The following NEBL variants were observed in gnomAD, a reference collection of about 807,000 sequenced individuals.
NEBL encodes nebulette.
NEBL carries 122 observed loss-of-function variants against 140.2 expected under a neutral mutation model. The ratio of observed to expected loss-of-function variants is 0.87; its 90% CI spans 0.75 to 1.01. The LOEUF (loss-of-function observed/expected upper bound fraction) is 1.01, where lower values mean the gene tolerates loss of function less well. Ranked by LOEUF, NEBL falls within the 50% of genes least tolerant of loss-of-function variation. NEBL has a pLI of 0.00. For missense variants in NEBL, 1,365 were observed against 1,231.3 expected (o/e 1.11, Z -1.62); for synonymous variants, 436 against 398.9 (o/e 1.09, Z -1.11).
chr10:20,969,714 T>C (rs527789053), intron 3 of NEBL, among the ~76,000 whole-genome samples: 29 of 151,828 alleles, frequency 1.9e-4, no homozygotes, highest in African/African-American at 5.6e-4. Context: ...CTGAGCTAAT[T>C]TTTGAATTTT....
chr10:20,941,021 G>T (rs1465509074), intron 4 of NEBL, among the ~76,000 whole-genome samples: 1 of 152,152 alleles, frequency 6.6e-6, no homozygotes, highest in Non-Finnish European at 1.5e-5. Context: ...GAAGGAGCTG[G>T]TACCATTCCT....
At chr10:21,167,197 T>G (rs1214665967) in intron 2 of NEBL, among the ~76,000 whole-genome samples, 1 of 152,190 alleles carries the variant, frequency 6.6e-6, no homozygotes, top group Non-Finnish European at 1.5e-5. Flanking sequence ...AGACCGAAAG[T>G]AAACACAACA....
chr10:21,209,059 C>T (rs529562800), intron 3 of NEBL, among the ~76,000 whole-genome samples: 1 of 152,288 alleles, frequency 6.6e-6, no homozygotes, highest in Admixed American at 6.5e-5. Context: ...GCTTCTCCTC[C>T]CTTCTTTCTC....
chr10:21,088,303 T>C (rs893099745), intron 2 of NEBL, among the ~76,000 whole-genome samples: 4 of 152,102 alleles, frequency 2.6e-5, no homozygotes, highest in Non-Finnish European at 5.9e-5. Context: ...GAGGTGGTGA[T>C]CAGTCTGGGC....
intron 21 of NEBL, among the ~76,000 whole-genome samples, chr10:20,816,511 A>G (rs1838734628): frequency 6.6e-6 from 1 of 152,118 alleles, no homozygotes; most frequent in Non-Finnish European, 1.5e-5. Context: ...ATCAAGTATG[A>G]CTCTAAATAT....
intron 2 of NEBL, among the ~76,000 whole-genome samples, chr10:21,075,874 T>A (rs1314859036): frequency 6.6e-6 from 1 of 152,152 alleles, no homozygotes; most frequent in East Asian, 1.9e-4. Context: ...GCAGAGGATT[T>A]GAACAGATAT....
intron 3 of NEBL, among the ~76,000 whole-genome samples, chr10:21,211,564 A>G (rs1841915892): frequency 6.6e-6 from 1 of 152,128 alleles, no homozygotes; most frequent in African/African-American, 2.4e-5. Context: ...CCCTCTCTCC[A>G]GTTAACTGGA....
chr10:20,951,502 A>C (rs769784474), intron 4 of NEBL, among the ~76,000 whole-genome samples: 1 of 152,156 alleles, frequency 6.6e-6, no homozygotes, highest in Non-Finnish European at 1.5e-5. Flanking sequence ...TCTTGTTTCT[A>C]ACTTCCAAAT....
chr10:20,914,346 G>A (rs1848447037), intron 4 of NEBL, among the ~76,000 whole-genome samples: 1 of 152,136 alleles, frequency 6.6e-6, no homozygotes, highest in Non-Finnish European at 1.5e-5. Flanking sequence ...CAGTGAACAA[G>A]ATTTGCTTTT....
rs528763404 is a variant in NEBL at position 20,831,918 on chromosome 10, T to C, written c.1450-335A>G. On this transcript the variant is annotated intron_variant, in intron 14 of 27. Transcript: ENST00000377122. ...TTAGTTAAGTGTCAGTCAAGAGTGATTGTAAAATTGCTGTTTTTCACTCTG... is the reference window on the plus strand; with the variant it reads ...TTAGTTAAGTGTCAGTCAAGAGTGACTGTAAAATTGCTGTTTTTCACTCTG... Among the ~76,000 whole-genome samples, 114 of 152,292 alleles carry C rather than the reference T, an allele frequency of 7.5e-4. 2 individuals carry two copies. In the South Asian group the frequency reaches 0.02, roughly 27 times the overall value.
At chr10:21,212,961 T>C (rs956924752) in intron 3 of NEBL, among the ~76,000 whole-genome samples, 2 of 152,094 alleles carry the variant, frequency 1.3e-5, no homozygotes, top group Admixed American at 1.3e-4. Flanking sequence ...TGATTCTTCA[T>C]GGTGCAGAGC....
In NEBL at chr10:20,819,528, G is replaced by T; in HGVS notation, c.1963-12C>A. On this transcript the variant is annotated splice_polypyrimidine_tract_variant and intron_variant, in intron 19 of 27. Transcript: ENST00000377122. ...TCTTTATACTGGAGCTGAGAGACAA[G>T]GTGCAAGACAGTTTGAGATTATGGG... The T allele has an allele frequency of 6.2e-7, 1 of 1,613,788 alleles. No individual in the cohort carries two copies. The highest frequency in any genetic ancestry group is 8.5e-7 in the Non-Finnish European group (1 of 1,179,776).
intron 26 of NEBL, among the ~76,000 whole-genome samples, chr10:20,790,284 A>G (rs1232104716): frequency 6.6e-6 from 1 of 152,076 alleles, no homozygotes; most frequent in African/African-American, 2.4e-5. Context: ...TTGGTACAAT[A>G]AAAGAGTTTT....
intron 13 of NEBL, among the ~76,000 whole-genome samples, chr10:20,838,365 A>G (rs1271302634): frequency 1.3e-5 from 2 of 152,338 alleles, no homozygotes; most frequent in East Asian, 3.9e-4. Context: ...GGAAATAGCA[A>G]GAGAACTAGA....
rs71390798 is a variant in NEBL at position 20,914,969 on chromosome 10, A to ATTTTTTTTTTTTTTTTTTT, written c.357+46702_357+46703insAAAAAAAAAAAAAAAAAAA. The stretch of plus-strand genomic sequence containing the variant: ...TACCTCTGCCTCCCAAGTGGCTGGG[A>ATTTTTTTTTTTTTTTTTTT]TTTTTTTTTTTTTTGGAGAGATGGG... On this transcript the variant is annotated intron_variant, in intron 4 of 6. Coordinates refer to the NEBL transcript ENST00000417816. Among the ~76,000 whole-genome samples, 186 of 111,186 alleles carry ATTTTTTTTTTTTTTTTTTT rather than the reference A, an allele frequency of 1.7e-3. 11 individuals are homozygous for ATTTTTTTTTTTTTTTTTTT. The highest frequency in any genetic ancestry group is 6.0e-3 in the African/African-American group (174 of 29,214). The allele number at this position is 111,186 out of a possible 152,430, so 72.9% of individuals were successfully genotyped here.
chr10:21,129,259 A>T (rs1015984264), intron 2 of NEBL, among the ~76,000 whole-genome samples: 45 of 152,060 alleles, frequency 3.0e-4, no homozygotes, highest in African/African-American at 5.1e-4. Context: ...AAATTAAAAA[A>T]TTTTTTAACT....
rs1212737723 is a variant in NEBL, at chr10:20,835,603, C to G, written c.1359G>C (p.Leu453=). 1 of 1,610,276 alleles carries G rather than the reference C, an allele frequency of 6.2e-7. No homozygotes were observed. Residue 453 remains leucine, a synonymous_variant, in exon 14 of 28, where the codon CTG becomes CTC. Transcript: ENST00000377122. ...MASEKEYKKD[L]ESIIKGKGMQ... ...TTCCTTTCCCTTTAATTATTGACTC[C>G]AGGTCTTTCTTGTATTCTTTCTGCA...
chr10:21,165,007 T>C (rs1840704268), intron 2 of NEBL, among the ~76,000 whole-genome samples: 1 of 152,258 alleles, frequency 6.6e-6, no homozygotes, highest in African/African-American at 2.4e-5. Context: ...ACAGTCACTT[T>C]TAACAATGTG....
chr10:20,966,558 G>A (rs996181223), intron 3 of NEBL, among the ~76,000 whole-genome samples: 1 of 152,184 alleles, frequency 6.6e-6, no homozygotes, highest in Non-Finnish European at 1.5e-5. Flanking sequence ...CTGCCAAAGT[G>A]TGCACCCTTA....
Sources: allele counts gnomAD v4.1 joint callset (sites outside exome capture counted in the v4.1 genomes callset), GRCh38; gene constraint gnomAD v4.1.1; transcripts MANE v1.5; gene names NCBI Gene and HGNC (gene_info 2026-07-23, HGNC 2026-07-21).